PKD2L1: variants seen among roughly 807,000 people sequenced by gnomAD.
PKD2L1 encodes the protein polycystin-2-like protein 1.
Under a neutral mutation model 93.0 loss-of-function variants are expected in PKD2L1, and 77 were observed. The observed-to-expected ratio is 0.83, with a 90% CI of 0.69 to 1.00. The LOEUF (loss-of-function observed/expected upper bound fraction) is 1.00, where lower values mean the gene tolerates loss of function less well. Among genes scored for constraint, PKD2L1 ranks in the 50% least tolerant of loss-of-function variants. The pLI is 0.00. For missense variants in PKD2L1, 977 were observed against 990.9 expected (o/e 0.99, Z 0.19); for synonymous variants, 390 against 388.0 (o/e 1.01, Z -0.06).
At chr10:100,289,767 A>G (rs1848362464) in intron 14 of PKD2L1, among the ~76,000 whole-genome samples, 1 of 152,150 alleles carries the variant, frequency 6.6e-6, no homozygotes, top group Non-Finnish European at 1.5e-5. Flanking sequence ...ATAATTTATT[A>G]TATCAGCCCA....
At chr10:100,327,639 A>G (rs1849407586) in intron 2 of PKD2L1, among the ~76,000 whole-genome samples, 1 of 152,244 alleles carries the variant, frequency 6.6e-6, no homozygotes, top group Non-Finnish European at 1.5e-5. Context: ...ACGGGATCTG[A>G]AAAAGGAGAT....
intron 2 of PKD2L1, among the ~76,000 whole-genome samples, chr10:100,309,852 G>A (rs1848892055): frequency 6.6e-6 from 1 of 152,180 alleles, no homozygotes; most frequent in Admixed American, 6.5e-5. Flanking sequence ...CCTTGACAAT[G>A]TCATTAAGGC....
chr10:100,328,722 T>C (rs911583174), intron 2 of PKD2L1, among the ~76,000 whole-genome samples: 2 of 152,016 alleles, frequency 1.3e-5, no homozygotes, highest in African/African-American at 4.8e-5. Context: ...GCCTCCTGAG[T>C]AGCTGGGATT....
Position 100,296,218 on chromosome 10 carries a change from C to T in PKD2L1, c.1260G>A (p.Gln420=). ...CAAAGTCTGCATACGTGTTTGGCTG[C>T]TGCAGGAGCTTCCCCATGAGCCGAT... ...EVNRLMGKLL[Q]QPNTYADFEF... The change falls in exon 7 of 16, where the codon CAG becomes CAA. Residue 420 remains glutamine (Q), a synonymous_variant. Coordinates refer to ENST00000318222, the MANE Select transcript of PKD2L1 (RefSeq NM_016112.3). 2 of 1,611,802 alleles carry T rather than the reference C, an allele frequency of 1.2e-6. No individual in the cohort carries two copies. Among genetic ancestry groups the T allele is most frequent in the Non-Finnish European group, 1.7e-6 (2 of 1,179,056 alleles).
In PKD2L1 at chr10:100,321,780, G is replaced by A. The variant is rs1589682386; in HGVS notation, c.349+7431C>T. On this transcript the variant is annotated intron_variant, in intron 2 of 15. Coordinates refer to ENST00000318222, the MANE Select transcript of PKD2L1 (RefSeq NM_016112.3). ...GAAGGGAGGGAGGGAGGGAGGGAGGGAGGGAGGGAGGGAGGGAGGGAGGGA... is the reference window on the plus strand; with the variant it reads ...GAAGGGAGGGAGGGAGGGAGGGAGGAAGGGAGGGAGGGAGGGAGGGAGGGA... Among the ~76,000 whole-genome samples the A allele has an allele frequency of 3.5e-4, 2 of 5,716 alleles. 1 individual carries two copies. The highest frequency in any genetic ancestry group is 1.6e-3 in the African/African-American group (2 of 1,228). The allele number at this position is 5,716 out of a possible 152,430, so 3.7% of individuals were successfully genotyped here.
chr10:100,294,749 C>T, intron 8 of PKD2L1, 94 bp from the exon 9 acceptor site: 3 of 1,543,148 alleles, frequency 1.9e-6, no homozygotes, highest in South Asian at 1.1e-5. Flanking sequence ...ACACGTTCAC[C>T]CCAATCTGAT....
rs1564891493 is a variant in PKD2L1, at chr10:100,315,110, GGAAGGGAAGAGAAAA to G, written c.349+14086_349+14100del. On this transcript the variant is annotated intron_variant, in intron 2 of 15. Transcript: ENST00000318222. The stretch of plus-strand genomic sequence containing the variant: ...GGAAGGGAAGGGAAGGGAAGGGAAG[GGAAGGGAAGAGAAAA>G]CAGTTGAAATGATTATATACCAAAC... 7.2e-5 allele frequency among the ~76,000 whole-genome samples: 10 copies of G among 138,078 alleles called. 3 individuals are homozygous for G. Among genetic ancestry groups the G allele is most frequent in the Admixed American group, 2.9e-4 (4 of 13,762 alleles). 90.6% of individuals were successfully genotyped at this position (138,078 alleles called of 152,430 possible). A position where few individuals can be genotyped will look rare whatever the true frequency, so the allele number is the denominator to read the frequency against.
At chr10:100,292,807 A>G in intron 11 of PKD2L1, 141 bp downstream of exon 11, 1 of 817,158 alleles carries the variant, frequency 1.2e-6, no homozygotes. Context: ...GCGGAGACCT[A>G]CGGGCAAAGA....
chr10:100,326,910 A>G (rs1849391811), intron 2 of PKD2L1, among the ~76,000 whole-genome samples: 1 of 152,200 alleles, frequency 6.6e-6, no homozygotes, highest in Admixed American at 6.5e-5. Context: ...CTAGTTTAAG[A>G]AAAGTACCAT....
At chr10:100,313,094 G>C (rs540357648) in intron 2 of PKD2L1, among the ~76,000 whole-genome samples, 2 of 152,264 alleles carry the variant, frequency 1.3e-5, no homozygotes, top group African/African-American at 4.8e-5. Context: ...GATTCCACAC[G>C]CTCCTGTAGA....
rs749506334 is a variant in PKD2L1 at position 100,290,066 on chromosome 10, TGAGCC to T, written c.2194_2198del (p.Gly732LysfsTer46). On this transcript the variant is annotated frameshift_variant, in exon 14 of 16. Coordinates refer to ENST00000318222, the MANE Select transcript of PKD2L1 (RefSeq NM_016112.3). LOFTEE classifies it high-confidence loss of function. ...CCTTCCTCTCCAGCATTTTCAGCTT[TGAGCC>T]TACAGCATCAATCTGGGACACTACT... 6.2e-7 allele frequency: 1 copy of T among 1,614,192 alleles called. No homozygotes were observed. Among genetic ancestry groups the T allele is most frequent in the Non-Finnish European group, 8.5e-7 (1 of 1,180,024 alleles).
At chr10:100,307,421 G>A (rs1348291033) in intron 2 of PKD2L1, among the ~76,000 whole-genome samples, 4 of 152,182 alleles carry the variant, frequency 2.6e-5, no homozygotes, top group Non-Finnish European at 5.9e-5. Context: ...ACTTTAGGAG[G>A]CCAAGGCTTG....
intron 2 of PKD2L1, among the ~76,000 whole-genome samples, chr10:100,321,345 A>G (rs1031029574): frequency 6.6e-6 from 1 of 152,014 alleles, no homozygotes; most frequent in African/African-American, 2.4e-5. Context: ...CTGTAATCCC[A>G]GCTACTTGGG....
At chr10:100,322,669 A>AT (rs1019011931) in intron 2 of PKD2L1, among the ~76,000 whole-genome samples, 1 of 152,252 alleles carries the variant, frequency 6.6e-6, no homozygotes, top group Admixed American at 6.5e-5. Flanking sequence ...AAATACACCA[A>AT]TAAAAAGAAA....
intron 11 of PKD2L1, 140 bp downstream of exon 11, chr10:100,292,808 C>T (rs140761041): frequency 4.9e-6 from 4 of 824,408 alleles, no homozygotes; most frequent in South Asian, 2.4e-5. Context: ...CGGAGACCTA[C>T]GGGCAAAGAT....
chr10:100,327,184 G>A (rs1218858030), intron 2 of PKD2L1, among the ~76,000 whole-genome samples: 1 of 152,206 alleles, frequency 6.6e-6, no homozygotes, highest in Admixed American at 6.5e-5. Flanking sequence ...AGTAGAATGG[G>A]TTGCCTCATG....
At chr10:100,298,893 T>C in intron 3 of PKD2L1, 78 bp from the exon 4 acceptor site, 1 of 1,358,006 alleles carries the variant, frequency 7.4e-7, no homozygotes, top group Non-Finnish European at 1.0e-6. Flanking sequence ...GCCCTCATCC[T>C]CTGACTCCCC....
intron 2 of PKD2L1, among the ~76,000 whole-genome samples, chr10:100,309,892 T>TAAATC (rs774761807): frequency 7.9e-5 from 12 of 152,168 alleles, no homozygotes; most frequent in Non-Finnish European, 1.8e-4. Flanking sequence ...AACCCTGCAA[T>TAAATC]AAATCCCATT....
chr10:100,316,222 G>T (rs1849098621), intron 2 of PKD2L1, among the ~76,000 whole-genome samples: 1 of 152,152 alleles, frequency 6.6e-6, no homozygotes, highest in African/African-American at 2.4e-5. Flanking sequence ...GCCCAGGCTG[G>T]TGTGCAATGG....
Sources: allele counts gnomAD v4.1 joint callset (sites outside exome capture counted in the v4.1 genomes callset), GRCh38; gene constraint gnomAD v4.1.1; transcripts MANE v1.5; gene names NCBI Gene and HGNC (gene_info 2026-07-23, HGNC 2026-07-21).